The following LYZL2 variants were observed in gnomAD, a reference collection of about 807,000 sequenced individuals.
The protein encoded by LYZL2 is lysozyme like 2, also known as lysozyme-like protein 2.
In LYZL2, 13 loss-of-function variants were observed where a neutral mutation model predicts 17.1. The observed-to-expected ratio is 0.76, with a 90% CI of 0.49 to 1.21. The LOEUF (loss-of-function observed/expected upper bound fraction) is 1.21. LYZL2 is among the 50% of genes most tolerant of loss of function. The probability of loss-of-function intolerance (pLI) is 0.00; values close to 1 mark genes in which losing one functional copy is unlikely to be tolerated. For missense variants in LYZL2, 166 were observed against 189.2 expected (o/e 0.88, Z 0.72); for synonymous variants, 63 against 74.4 (o/e 0.85, Z 0.79).
intron 3 of LYZL2, among the ~76,000 whole-genome samples, chr10:30,618,464 G>T (rs1203021828): frequency 1.3e-5 from 2 of 152,174 alleles, no homozygotes; most frequent in African/African-American, 2.4e-5. Flanking sequence ...CATGGTACTG[G>T]TACCAAAACA....
At chr10:30,628,787 G>A (rs1273340069) in intron 1 of LYZL2, among the ~76,000 whole-genome samples, 1 of 152,184 alleles carries the variant, frequency 6.6e-6, no homozygotes, top group African/African-American at 2.4e-5. Flanking sequence ...GCTTTAAGGT[G>A]ACTAAGCAAT....
chr10:30,608,066 T>C (rs429706), downstream of LYZL2, among the ~76,000 whole-genome samples: 132,155 of 152,152 alleles, frequency 0.87, 58,104 homozygotes, highest in African/African-American at 0.96. Context: ...CTTCAGCCTC[T>C]CAAATAGCTG....
intron 1 of LYZL2, among the ~76,000 whole-genome samples, chr10:30,628,095 G>A (rs1188822096): frequency 6.6e-6 from 1 of 152,136 alleles, no homozygotes; most frequent in Non-Finnish European, 1.5e-5. Context: ...AGGAGGCTGA[G>A]CTTGCAGTGA....
At chr10:30,608,949 C>T (rs1273001448), downstream of LYZL2, among the ~76,000 whole-genome samples, 2 of 152,086 alleles carry the variant, frequency 1.3e-5, no homozygotes, top group African/African-American at 4.8e-5. Flanking sequence ...AAGCGACCCT[C>T]CCACCTCAAC....
chr10:30,621,665 A>C (rs1292978817), intron 3 of LYZL2, among the ~76,000 whole-genome samples: 2 of 152,202 alleles, frequency 1.3e-5, no homozygotes, highest in Non-Finnish European at 2.9e-5. Context: ...AATATTCCTC[A>C]AAATCAAAAT....
downstream of LYZL2, among the ~76,000 whole-genome samples, chr10:30,611,097 G>A (rs1564405629): frequency 6.6e-6 from 1 of 152,102 alleles, no homozygotes; most frequent in Non-Finnish European, 1.5e-5. Context: ...ATTTTCGAAT[G>A]AGTCTTATTT....
intron 3 of LYZL2, among the ~76,000 whole-genome samples, chr10:30,620,087 C>T (rs955900773): frequency 6.6e-6 from 1 of 152,130 alleles, no homozygotes; most frequent in Non-Finnish European, 1.5e-5. Context: ...ATAGAAGGAT[C>T]GTTTAGAATT....
chr10:30,610,223 T>G (rs1489528910), downstream of LYZL2, among the ~76,000 whole-genome samples: 3 of 152,202 alleles, frequency 2.0e-5, no homozygotes, highest in Non-Finnish European at 2.9e-5. Flanking sequence ...TTGAAAAGCT[T>G]GATTTAAGTA....
At chr10:30,624,679 T>A (rs1398569968) in intron 3 of LYZL2, among the ~76,000 whole-genome samples, 1 of 152,234 alleles carries the variant, frequency 6.6e-6, no homozygotes, top group Non-Finnish European at 1.5e-5. Context: ...ACTACAGGCA[T>A]ATGCCTGGCT....
Position 30,621,590 on chromosome 10 carries a change from AAAC to A in LYZL2, c.298+4512_298+4514del, listed in dbSNP as rs528215755. On this transcript the variant is annotated intron_variant, in intron 3 of 4. Coordinates refer to ENST00000647634, the MANE Select transcript of LYZL2 (RefSeq NM_183058.3). ...TGAGACAGAGCACGACCCTGTCTCA[AAAC>A]AACAACAATAACAACTTGAGGTGGA... Among the ~76,000 whole-genome samples, 25 of 152,310 alleles carry A rather than the reference AAAC, an allele frequency of 1.6e-4. No homozygotes were observed. The East Asian group carries it at 4.4e-3, about 27-fold the overall frequency.
intron 3 of LYZL2, among the ~76,000 whole-genome samples, chr10:30,618,598 G>A (rs1179596935): frequency 6.6e-6 from 1 of 152,168 alleles, no homozygotes; most frequent in Admixed American, 6.5e-5. Context: ...TTTAATAAAT[G>A]GTGCTGGGAA....
chr10:30,607,278 A>G (rs542951175), downstream of LYZL2, among the ~76,000 whole-genome samples: 12 of 152,034 alleles, frequency 7.9e-5, no homozygotes, highest in East Asian at 1.7e-3. Context: ...GATTATTGTT[A>G]TGAACAGAGC....
chr10:30,613,040 C>G, intron 3 of LYZL2, 140 bp from the exon 4 acceptor site: 1 of 642,876 alleles, frequency 1.6e-6, no homozygotes, highest in Non-Finnish European at 2.7e-6. Flanking sequence ...AAGCCACAAT[C>G]TCATTTCTGT....
intron 3 of LYZL2, among the ~76,000 whole-genome samples, chr10:30,625,155 G>T (rs1838683042): frequency 1.3e-5 from 2 of 152,338 alleles, no homozygotes; most frequent in South Asian, 4.1e-4. Context: ...CTTCAGCCCT[G>T]TGAATCCGCT....
downstream of LYZL2, among the ~76,000 whole-genome samples, chr10:30,611,052 G>A (rs190208632): frequency 1.0e-3 from 153 of 152,118 alleles, 1 homozygote; most frequent in Non-Finnish European, 2.8e-4. Context: ...CATGTGTCCT[G>A]TTTCTGAGGA....
chr10:30,621,292 AC>A (rs1310637479), intron 3 of LYZL2, among the ~76,000 whole-genome samples: 1 of 152,148 alleles, frequency 6.6e-6, no homozygotes, highest in Non-Finnish European at 1.5e-5. Flanking sequence ...ATCTTTAAAA[AC>A]TTGAAGCCAA....
At position 30,611,932 on chromosome 10, in the gene LYZL2, A is replaced by G; in HGVS notation, c.*23T>C. ...TGCAAACCCTAGGGCGTTGCTGCAA[A>G]GCATCCTGGGTCCAGTTCCAGTTTA... On this transcript the variant is annotated 3_prime_UTR_variant, in exon 5 of 5. Transcript: ENST00000647634. The G allele has an allele frequency of 6.2e-7, 1 of 1,614,164 alleles. No homozygotes were observed. Among genetic ancestry groups the G allele is most frequent in the Non-Finnish European group, 8.5e-7 (1 of 1,180,034 alleles).
intron 3 of LYZL2, among the ~76,000 whole-genome samples, chr10:30,625,850 G>T (rs192619847): frequency 5.8e-4 from 89 of 152,328 alleles, no homozygotes; most frequent in Non-Finnish European, 1.1e-3. Context: ...GCACAGTAGG[G>T]TTGTTTGTCC....
chr10:30,613,389 T>G lies in LYZL2; in HGVS notation c.299-489A>C, dbSNP rs151179147. ...GCACACACCTGTGGTCTCAGCTACTTGGGAGTCTGAGGTGGGAGAATCACT... is the reference window on the plus strand; with the variant it reads ...GCACACACCTGTGGTCTCAGCTACTGGGGAGTCTGAGGTGGGAGAATCACT... On this transcript the variant is annotated intron_variant, in intron 3 of 4. Transcript: ENST00000647634. Among the ~76,000 whole-genome samples the G allele has an allele frequency of 5.9e-3, 894 of 151,830 alleles. 9 individuals are homozygous for G. The highest frequency in any genetic ancestry group is 0.019 in the African/African-American group (806 of 41,390).
Sources: gnomAD v4.1 joint callset for allele counts (sites outside exome capture counted in the v4.1 genomes callset) on GRCh38, gnomAD v4.1.1 for gene constraint, MANE v1.5 for transcripts, NCBI Gene and HGNC (gene_info 2026-07-23, HGNC 2026-07-21) for gene names.